The following PDE1A variants were observed in gnomAD, a reference collection of about 807,000 sequenced individuals.
PDE1A encodes the protein phosphodiesterase 1A.
PDE1A carries 35 observed loss-of-function variants against 61.7 expected under a neutral mutation model. That is an observed-to-expected ratio of 0.57 (90% CI 0.43 to 0.75). PDE1A has a LOEUF of 0.75. Ranked by LOEUF, PDE1A falls within the 30% of genes least tolerant of loss-of-function variation. PDE1A has a pLI of 0.00. For synonymous variants in PDE1A, 232 were observed against 213.2 expected, an observed-to-expected ratio of 1.09 and a Z score of -0.77; for missense variants, 597 against 630.6, an observed-to-expected ratio of 0.95 and a Z score of 0.57.
At chr2:182,432,407 T>C (rs1276661861) in intron 2 of PDE1A, among the ~76,000 whole-genome samples, 1 of 150,898 alleles carries the variant, frequency 6.6e-6, no homozygotes, top group African/African-American at 2.5e-5. Flanking sequence ...AGTATCTTTT[T>C]TTAAATTGAG....
chr2:182,564,863 C>G, the PDE1A span, among the ~76,000 whole-genome samples: 1 of 152,300 alleles, frequency 6.6e-6, no homozygotes, highest in East Asian at 1.9e-4. Flanking sequence ...GAGGCTTCTG[C>G]ATTCTTCACG....
At chr2:182,572,616 C>T in the PDE1A span, among the ~76,000 whole-genome samples, 3 of 152,152 alleles carry the variant, frequency 2.0e-5, no homozygotes, top group Non-Finnish European at 4.4e-5. Flanking sequence ...GGCGCGGTGG[C>T]TCACGCGAGT....
intron 2 of PDE1A, among the ~76,000 whole-genome samples, chr2:182,446,606 T>C (rs1685152987): frequency 6.6e-6 from 1 of 152,252 alleles, no homozygotes; most frequent in Non-Finnish European, 1.5e-5. Flanking sequence ...AAATTTGCTT[T>C]GTAAATGGAA....
intron 2 of PDE1A, among the ~76,000 whole-genome samples, chr2:182,254,740 T>G (rs1293285994): frequency 7.2e-5 from 11 of 152,102 alleles, no homozygotes. Flanking sequence ...TTCCACCACA[T>G]CCCACACAAA....
chr2:182,686,655 C>T, the PDE1A span, among the ~76,000 whole-genome samples: 1 of 152,204 alleles, frequency 6.6e-6, no homozygotes, highest in Non-Finnish European at 1.5e-5. Context: ...CCGGGTTCAT[C>T]TCACTGGGGC....
At chr2:182,206,060 T>C in exon 8 of PDE1A, 2 of 1,605,148 alleles carry the variant, frequency 1.2e-6, no homozygotes, top group Admixed American at 1.7e-5. Flanking sequence ...AATGGCAACA[T>C]CTGACCTAAG....
chr2:182,205,852 C>A, intron 8 of PDE1A, 88 bp downstream of exon 8: 1 of 1,196,386 alleles, frequency 8.4e-7, no homozygotes, highest in Non-Finnish European at 1.2e-6. Flanking sequence ...GGGAATGCAT[C>A]GACTTTCATC....
At chr2:182,517,422 T>G (rs1159416999) in intron 2 of PDE1A, among the ~76,000 whole-genome samples, 1 of 152,218 alleles carries the variant, frequency 6.6e-6, no homozygotes, top group Non-Finnish European at 1.5e-5. Flanking sequence ...TGATCTAATT[T>G]TCTAGTTACA....
At chr2:182,399,083 T>A (rs1403953119) in intron 1 of PDE1A, among the ~76,000 whole-genome samples, 3 of 152,002 alleles carry the variant, frequency 2.0e-5, no homozygotes, top group Non-Finnish European at 4.4e-5. Flanking sequence ...CCCTAAAGTT[T>A]TCAAAATTAC....
chr2:182,486,806 T>C (rs1361469283), intron 2 of PDE1A, among the ~76,000 whole-genome samples: 3 of 152,084 alleles, frequency 2.0e-5, no homozygotes. Context: ...GACCTAGATG[T>C]AAGAGCTAAT....
intron 2 of PDE1A, among the ~76,000 whole-genome samples, chr2:182,473,633 C>T (rs1198871610): frequency 6.6e-6 from 1 of 151,788 alleles, no homozygotes; most frequent in African/African-American, 2.4e-5. Flanking sequence ...TGATCCTCAC[C>T]CTCCTCCTAC....
chr2:182,602,411 C>T, the PDE1A span, among the ~76,000 whole-genome samples: 1 of 152,200 alleles, frequency 6.6e-6, no homozygotes, highest in African/African-American at 2.4e-5. Context: ...AGTCAACATC[C>T]AACACCAACT....
intron 10 of PDE1A, among the ~76,000 whole-genome samples, chr2:182,197,836 T>C (rs1423601087): frequency 6.6e-6 from 1 of 151,954 alleles, no homozygotes; most frequent in Admixed American, 6.6e-5. Flanking sequence ...AAGGAGGAAG[T>C]GTAAGTCCTC....
the PDE1A span, among the ~76,000 whole-genome samples, chr2:182,696,720 A>G: frequency 6.6e-6 from 1 of 152,138 alleles, no homozygotes; most frequent in Admixed American, 6.5e-5. Flanking sequence ...GTGTGGGGAC[A>G]GGGGGAATAT....
chr2:182,627,061 ATATATT>A, the PDE1A span, among the ~76,000 whole-genome samples: 1 of 35,462 alleles, frequency 2.8e-5, no homozygotes, highest in Non-Finnish European at 5.0e-5. Context: ...ATAAAATATA[ATATATT>A]ATTTATATAT....
chr2:182,366,488 A>T (rs1699844007), intron 1 of PDE1A, among the ~76,000 whole-genome samples: 1 of 152,086 alleles, frequency 6.6e-6, no homozygotes, highest in South Asian at 2.1e-4. Context: ...CCACCTCTCT[A>T]TAAAATAATC....
intron 1 of PDE1A, among the ~76,000 whole-genome samples, chr2:182,360,078 A>T (rs142465825): frequency 6.6e-6 from 1 of 151,944 alleles, no homozygotes; most frequent in African/African-American, 2.4e-5. Context: ...AAAATGCATG[A>T]CTCTGGGCTC....
the PDE1A span, among the ~76,000 whole-genome samples, chr2:182,571,074 T>C: frequency 1.3e-5 from 2 of 152,228 alleles, no homozygotes; most frequent in East Asian, 3.8e-4. Context: ...TAGATGCTAA[T>C]GTTTAAATAC....
intron 2 of PDE1A, among the ~76,000 whole-genome samples, chr2:182,460,140 T>C (rs538555470): frequency 2.6e-5 from 4 of 152,252 alleles, no homozygotes; most frequent in African/African-American, 9.6e-5. Context: ...GTGACTTTCC[T>C]AAAAATACAA....
Sources: gnomAD v4.1 joint callset for allele counts (sites outside exome capture counted in the v4.1 genomes callset) on GRCh38, gnomAD v4.1.1 for gene constraint, MANE v1.5 for transcripts, NCBI Gene and HGNC (gene_info 2026-07-23, HGNC 2026-07-21) for gene names.